Variants in DMD observed in about 807,000 individuals in gnomAD.
The protein encoded by DMD is mutant dystrophin.
DMD carries 63 observed loss-of-function variants against 330.1 expected under a neutral mutation model. The ratio of observed to expected loss-of-function variants is 0.19; its 90% CI spans 0.16 to 0.24. The LOEUF (loss-of-function observed/expected upper bound fraction) is 0.24. Ranked by LOEUF, DMD falls within the 10% of genes least tolerant of loss-of-function variation. DMD has a pLI of 1.00. For missense variants in DMD, 3,344 were observed against 2,684.1 expected, an observed-to-expected ratio of 1.25 and a Z score of -5.43; for synonymous variants, 1,223 against 959.8, an observed-to-expected ratio of 1.27 and a Z score of -5.07.
chrX:32,220,192 T>C (rs1263299363), intron 43 of DMD, among the ~76,000 whole-genome samples: 2 of 111,301 alleles, frequency 1.8e-5, no homozygotes, highest in Non-Finnish European at 3.8e-5. Context: ...CGGTAGCATA[T>C]TTCTGAAATG....
intron 66 of DMD, among the ~76,000 whole-genome samples, chrX:31,204,407 T>C (rs192038818): frequency 8.9e-6 from 1 of 112,709 alleles, no homozygotes; most frequent in Non-Finnish European, 1.9e-5. Flanking sequence ...AGCCAGAACA[T>C]AATCCTTGGG....
At chrX:32,646,700 T>C (rs1047522880) in intron 9 of DMD, among the ~76,000 whole-genome samples, 1 of 111,710 alleles carries the variant, frequency 9.0e-6, no homozygotes, top group African/African-American at 3.3e-5. Context: ...TTCTGATAAA[T>C]GCTCAAATTT....
At chrX:32,288,081 T>A (rs1182610198) in intron 42 of DMD, among the ~76,000 whole-genome samples, 1 of 111,011 alleles carries the variant, frequency 9.0e-6, no homozygotes, top group East Asian at 2.8e-4. Flanking sequence ...TCTCATAATT[T>A]TAAATATCTT....
intron 30 of DMD, among the ~76,000 whole-genome samples, chrX:32,408,524 C>T (rs770663260): frequency 1.8e-5 from 2 of 111,483 alleles, no homozygotes; most frequent in African/African-American, 6.5e-5. Context: ...TCTTAAAATG[C>T]AGAAAAAATA....
intron 1 of DMD, among the ~76,000 whole-genome samples, chrX:33,125,055 T>C (rs956905243): frequency 9.4e-6 from 1 of 105,888 alleles, no homozygotes; most frequent in African/African-American, 3.4e-5. Flanking sequence ...AAAAAGGCTT[T>C]ATTTTTATGA....
intron 44 of DMD, among the ~76,000 whole-genome samples, chrX:32,147,778 A>G (rs1269733461): frequency 3.6e-5 from 4 of 110,320 alleles, no homozygotes; most frequent in Non-Finnish European, 7.6e-5. Flanking sequence ...AGGTTTTCAT[A>G]TTAGCATACT....
At chrX:32,411,619 C>G in intron 30 of DMD, 133 bp downstream of exon 30, 1 of 725,723 alleles carries the variant, frequency 1.4e-6, no homozygotes, top group Non-Finnish European at 2.1e-6. Flanking sequence ...TACCTACCTC[C>G]AAATAGTCAA....
At chrX:33,139,937 T>C (rs1453764375) in intron 1 of DMD, among the ~76,000 whole-genome samples, 2 of 104,332 alleles carry the variant, frequency 1.9e-5, no homozygotes, top group African/African-American at 7.5e-5. Flanking sequence ...GGGAAATACA[T>C]ATTTTGTATA....
chrX:32,128,496 C>T (rs1315738851), intron 44 of DMD, among the ~76,000 whole-genome samples: 1 of 112,086 alleles, frequency 8.9e-6, no homozygotes, highest in Non-Finnish European at 1.9e-5. Context: ...GCAAGCCAAT[C>T]GATTGACATT....
At chrX:31,177,853 C>G (rs2040692906) in intron 71 of DMD, 79 bp downstream of exon 71, 1 of 897,100 alleles carries the variant, frequency 1.1e-6, no homozygotes, top group African/African-American at 2.0e-5. Context: ...AGAAAACAAA[C>G]AAATAAACAG....
intron 20 of DMD, among the ~76,000 whole-genome samples, chrX:32,488,777 C>A (rs1309227485): frequency 9.0e-6 from 1 of 111,359 alleles, no homozygotes; most frequent in Non-Finnish European, 1.9e-5. Flanking sequence ...GACCAAGATA[C>A]TAGCAGGTCC....
At chrX:32,190,447 T>C (rs1245935366) in intron 44 of DMD, among the ~76,000 whole-genome samples, 2 of 105,984 alleles carry the variant, frequency 1.9e-5, no homozygotes, top group Non-Finnish European at 3.9e-5. Flanking sequence ...AGTGAGTGAA[T>C]AGTGGATAAC....
chrX:31,902,748 C>G (rs1317589216), intron 47 of DMD, among the ~76,000 whole-genome samples: 4 of 111,715 alleles, frequency 3.6e-5, no homozygotes, highest in Non-Finnish European at 7.5e-5. Context: ...CCAAGAATTA[C>G]ATCCCGTATA....
chrX:32,588,989 G>A (rs2054588655), intron 13 of DMD, among the ~76,000 whole-genome samples: 1 of 111,533 alleles, frequency 9.0e-6, no homozygotes, highest in Admixed American at 9.5e-5. Context: ...GGACTTCAAG[G>A]ATGTGTTCAG....
intron 51 of DMD, among the ~76,000 whole-genome samples, chrX:31,738,711 T>C (rs2087060452): frequency 8.9e-6 from 1 of 112,213 alleles, no homozygotes; most frequent in Non-Finnish European, 1.9e-5. Flanking sequence ...AAAGAACATG[T>C]GGTACCTATG....
At chrX:31,458,495 C>T (rs1375745533) in intron 59 of DMD, among the ~76,000 whole-genome samples, 1 of 91,193 alleles carries the variant, frequency 1.1e-5, no homozygotes, top group Non-Finnish European at 2.1e-5. Flanking sequence ...GTCTAAACAA[C>T]GTTCTCAGAT....
intron 50 of DMD, among the ~76,000 whole-genome samples, chrX:31,801,582 C>G (rs2092064936): frequency 1.4e-5 from 1 of 69,338 alleles, no homozygotes; most frequent in Non-Finnish European, 2.8e-5. Flanking sequence ...TGTCCTCATC[C>G]CCCCCCCCCA....
At chrX:31,595,671 T>A (rs1448522179) in intron 55 of DMD, among the ~76,000 whole-genome samples, 3 of 109,762 alleles carry the variant, frequency 2.7e-5, no homozygotes, top group Non-Finnish European at 5.7e-5. Context: ...AAAACAAAAC[T>A]GGGGTCAGTA....
At chrX:31,416,886 G>A (rs2061899722) in intron 60 of DMD, among the ~76,000 whole-genome samples, 1 of 112,156 alleles carries the variant, frequency 8.9e-6, no homozygotes, top group Non-Finnish European at 1.9e-5. Flanking sequence ...AGGGTCTTCT[G>A]CACAACGATT....
Sources: gnomAD v4.1 joint callset for allele counts (sites outside exome capture counted in the v4.1 genomes callset) on GRCh38, gnomAD v4.1.1 for gene constraint, MANE v1.5 for transcripts, NCBI Gene and HGNC (gene_info 2026-07-23, HGNC 2026-07-21) for gene names.